The following ATP6V1A variants were observed in gnomAD, a reference collection of about 807,000 sequenced individuals.
ATP6V1A encodes the protein V-type proton ATPase catalytic subunit A.
In ATP6V1A, 18 loss-of-function variants were observed where a neutral mutation model predicts 70.1. The observed-to-expected ratio is 0.26, with a 90% CI of 0.18 to 0.38. ATP6V1A has a LOEUF of 0.38. ATP6V1A is among the 10% of genes least tolerant of loss of function. The pLI is 1.00. For synonymous variants in ATP6V1A, 232 were observed against 253.8 expected (o/e 0.91, Z 0.82); for missense variants, 424 against 772.4 (o/e 0.55, Z 5.35).
At chr3:113,792,097 A>G (rs145771420) in intron 8 of ATP6V1A, among the ~76,000 whole-genome samples, 2 of 151,996 alleles carry the variant, frequency 1.3e-5, no homozygotes, top group Middle Eastern at 3.4e-3. Flanking sequence ...CCTTGTTTGG[A>G]GGTAAGTTTT....
chr3:113,787,277 G>A (rs569815505), intron 6 of ATP6V1A, among the ~76,000 whole-genome samples: 13 of 152,308 alleles, frequency 8.5e-5, no homozygotes, highest in African/African-American at 2.6e-4. Flanking sequence ...ACGGGATCCA[G>A]GGGATCAGTT....
intron 12 of ATP6V1A, among the ~76,000 whole-genome samples, chr3:113,800,465 T>A (rs1709199035): frequency 6.6e-6 from 1 of 152,126 alleles, no homozygotes; most frequent in Admixed American, 6.6e-5. Context: ...GACTTGTGAT[T>A]GTATAAACGA....
At chr3:113,759,435 A>C (rs1174447220) in intron 1 of ATP6V1A, among the ~76,000 whole-genome samples, 1 of 151,968 alleles carries the variant, frequency 6.6e-6, no homozygotes, top group Non-Finnish European at 1.5e-5. Context: ...TTTTGAGCTA[A>C]TAAATTTTGT....
chr3:113,798,531 T>A, intron 12 of ATP6V1A, 85 bp downstream of exon 12: 1 of 1,158,760 alleles, frequency 8.6e-7, no homozygotes, highest in South Asian at 1.9e-5. Context: ...ATATTACAGA[T>A]TCTTGCCTAG....
intron 1 of ATP6V1A, among the ~76,000 whole-genome samples, chr3:113,767,252 C>G (rs533933677): frequency 6.6e-6 from 1 of 151,864 alleles, no homozygotes; most frequent in Non-Finnish European, 1.5e-5. Context: ...CCGCCATGCC[C>G]GGCTAATTTT....
chr3:113,797,028 C>T (rs1174310980), intron 11 of ATP6V1A, among the ~76,000 whole-genome samples: 4 of 152,142 alleles, frequency 2.6e-5, no homozygotes, highest in African/African-American at 9.7e-5. Flanking sequence ...CTCCACCTCC[C>T]GGGTTCAAGT....
At chr3:113,776,559 T>G (rs933870939) in intron 1 of ATP6V1A, among the ~76,000 whole-genome samples, 3 of 152,198 alleles carry the variant, frequency 2.0e-5, no homozygotes, top group Non-Finnish European at 4.4e-5. Flanking sequence ...TGTAAACATA[T>G]AATAAATGGA....
At chr3:113,788,413 C>T (rs1709058881) in intron 6 of ATP6V1A, among the ~76,000 whole-genome samples, 1 of 151,868 alleles carries the variant, frequency 6.6e-6, no homozygotes, top group Non-Finnish European at 1.5e-5. Context: ...CGGCTCATTG[C>T]AACCTCCACC....
chr3:113,765,563 C>T (rs1367218877), intron 1 of ATP6V1A, among the ~76,000 whole-genome samples: 3 of 151,478 alleles, frequency 2.0e-5, no homozygotes, highest in Admixed American at 2.0e-4. Flanking sequence ...TGAGATGGTG[C>T]CATTGCACTC....
intron 1 of ATP6V1A, among the ~76,000 whole-genome samples, chr3:113,772,189 A>G (rs1708849418): frequency 6.6e-6 from 1 of 152,186 alleles, no homozygotes; most frequent in Non-Finnish European, 1.5e-5. Context: ...GCAGGTGCAC[A>G]CTGCCCTGCA....
At chr3:113,803,042 C>A (rs1439496327) in intron 12 of ATP6V1A, among the ~76,000 whole-genome samples, 5 of 151,828 alleles carry the variant, frequency 3.3e-5, no homozygotes, top group Non-Finnish European at 7.4e-5. Context: ...AATCCATAAA[C>A]AAAATGTGGT....
At chr3:113,776,078 G>T (rs1176800097) in intron 1 of ATP6V1A, among the ~76,000 whole-genome samples, 1 of 152,034 alleles carries the variant, frequency 6.6e-6, no homozygotes, top group East Asian at 1.9e-4. Context: ...ATAAATTTCT[G>T]CCAGGCGCGG....
rs761391608 is a variant in ATP6V1A at position 113,778,842 on chromosome 3, A to G, written c.82+7A>G. ...CATGGGGTCTCAGGACCTGGTAAGT[A>G]ATACATCATAATCTCAAAATAAGGA... On this transcript the variant is annotated splice_region_variant and intron_variant, in intron 2 of 14. Transcript: ENST00000273398. The G allele has an allele frequency of 6.6e-7, 1 of 1,515,382 alleles. No individual in the cohort carries two copies. Among genetic ancestry groups the G allele is most frequent in the Non-Finnish European group, 8.9e-7 (1 of 1,122,348 alleles). 93.9% of individuals were successfully genotyped at this position (1,515,382 alleles called of 1,614,324 possible). A position where few individuals can be genotyped will look rare whatever the true frequency, so the allele number is the denominator to read the frequency against.
At chr3:113,772,814 G>A (rs1424093758) in intron 1 of ATP6V1A, among the ~76,000 whole-genome samples, 1 of 151,716 alleles carries the variant, frequency 6.6e-6, no homozygotes, top group East Asian at 1.9e-4. Flanking sequence ...GAAAGATGTG[G>A]TAAGAGCAGA....
chr3:113,769,709 CTGCAG>C (rs1350259864), intron 1 of ATP6V1A, among the ~76,000 whole-genome samples: 1 of 152,132 alleles, frequency 6.6e-6, no homozygotes, highest in African/African-American at 2.4e-5. Context: ...CTGCAGTGTT[CTGCAG>C]TGCCTGTTGG....
At chr3:113,797,223 C>T (rs1416161253) in intron 11 of ATP6V1A, among the ~76,000 whole-genome samples, 1 of 151,154 alleles carries the variant, frequency 6.6e-6, no homozygotes, top group Non-Finnish European at 1.5e-5. Flanking sequence ...AAGCGTGAGC[C>T]ACCATGCCTG....
At chr3:113,770,507 G>A (rs553253636) in intron 1 of ATP6V1A, among the ~76,000 whole-genome samples, 1 of 151,868 alleles carries the variant, frequency 6.6e-6, no homozygotes, top group Non-Finnish European at 1.5e-5. Flanking sequence ...GCGAAATCCC[G>A]TCTCTACTAA....
At chr3:113,753,570 T>C (rs1377186045) in intron 1 of ATP6V1A, among the ~76,000 whole-genome samples, 4 of 152,166 alleles carry the variant, frequency 2.6e-5, no homozygotes, top group African/African-American at 7.2e-5. Flanking sequence ...AGGGGTATTG[T>C]TATGTAAATT....
In ATP6V1A at chr3:113,768,592, C is replaced by CT. The variant is rs34915547; in HGVS notation, c.-13-10128dup. Among the ~76,000 whole-genome samples the CT allele has an allele frequency of 5.2e-3, 535 of 103,370 alleles. 3 individuals carry two copies. The highest frequency in any genetic ancestry group is 8.5e-3 in the African/African-American group (240 of 28,250). 67.8% of individuals were successfully genotyped at this position (103,370 alleles called of 152,430 possible). A position where few individuals can be genotyped will look rare whatever the true frequency, so the allele number is the denominator to read the frequency against. On this transcript the variant is annotated intron_variant, in intron 1 of 14. Coordinates refer to ENST00000273398, the MANE Select transcript of ATP6V1A (RefSeq NM_001690.4). Reference sequence around the variant, plus strand: ...GAGTATTGTTTCTCATAGCCTGTATCTTTTTTTTTTTTTTTTTTTTTGAGA... The same window carrying CT: ...GAGTATTGTTTCTCATAGCCTGTATCTTTTTTTTTTTTTTTTTTTTTTGAGA...
Sources: allele counts gnomAD v4.1 joint callset (sites outside exome capture counted in the v4.1 genomes callset), GRCh38; gene constraint gnomAD v4.1.1; transcripts MANE v1.5; gene names NCBI Gene and HGNC (gene_info 2026-07-23, HGNC 2026-07-21).